Variants in CECR2 observed in about 807,000 individuals in gnomAD.
CECR2 encodes CECR2 histone acetyl-lysine reader.
CECR2 carries 30 observed loss-of-function variants against 154.5 expected under a neutral mutation model. That is an observed-to-expected ratio of 0.19 (90% confidence interval 0.15 to 0.26). CECR2 has a LOEUF of 0.26. CECR2 is among the 10% of genes least tolerant of loss of function. The pLI, the probability that CECR2 is intolerant of heterozygous loss-of-function variation, is 1.00. For synonymous variants in CECR2, 725 were observed against 683.7 expected (o/e 1.06, Z -0.94); for missense variants, 1,743 against 1,829.3 (o/e 0.95, Z 0.86).
intron 9 of CECR2, among the ~76,000 whole-genome samples, chr22:17,530,456 G>A (rs1006259803): frequency 2.6e-5 from 4 of 151,840 alleles, no homozygotes; most frequent in South Asian, 2.1e-4. Flanking sequence ...GGCAGATCAC[G>A]AGGTCAGGAG....
upstream of CECR2, among the ~76,000 whole-genome samples, chr22:17,368,569 C>G (rs1041483437): frequency 6.6e-6 from 1 of 152,202 alleles, no homozygotes; most frequent in East Asian, 1.9e-4. Context: ...CACACTCCAA[C>G]ACCCTTCGGC....
rs923181398 is a variant in CECR2 at position 17,548,178 on chromosome 22, C to T, written c.2891C>T (p.Pro964Leu). The T allele has an allele frequency of 3.8e-6, 6 of 1,570,054 alleles. No individual in the cohort carries two copies. Among genetic ancestry groups the T allele is most frequent in the Non-Finnish European group, 5.2e-6 (6 of 1,157,956 alleles). The change falls in exon 17 of 19, where the codon CCA becomes CTA. Residue 964 changes from proline to leucine, a missense_variant. By Grantham distance (98) the Pro-to-Leu change is moderately conservative (BLOSUM62 -3). This residue lies in a region of CECR2 where 1,250 missense variants were observed against 1,192.1 expected (regional missense o/e 1.05). Transcript: ENST00000262608. Reference protein sequence around the residue: ...AEPLPGLEEKPPGVGTSEGVY... With the variant: ...AEPLPGLEEKLPGVGTSEGVY... Reference sequence around the variant, plus strand: ...CCGTTGCCTGGCCTTGAAGAGAAACCACCAGGTGTTGGTACTTCAGAGGGG... The same window carrying T: ...CCGTTGCCTGGCCTTGAAGAGAAACTACCAGGTGTTGGTACTTCAGAGGGG...
intron 1 of CECR2, among the ~76,000 whole-genome samples, chr22:17,361,339 T>C (rs2062976130): frequency 6.6e-6 from 1 of 151,936 alleles, no homozygotes; most frequent in Admixed American, 6.6e-5. Context: ...ATACAAAAAT[T>C]AGCCGGGCTG....
chr22:17,495,316 C>G (rs905859349), intron 2 of CECR2, among the ~76,000 whole-genome samples: 1 of 152,148 alleles, frequency 6.6e-6, no homozygotes, highest in Non-Finnish European at 1.5e-5. Flanking sequence ...CATCTGTAAT[C>G]CCAGCACTCT....
intron 1 of CECR2, among the ~76,000 whole-genome samples, chr22:17,413,289 C>CA (rs1351185354): frequency 6.6e-6 from 1 of 152,206 alleles, no homozygotes; most frequent in Non-Finnish European, 1.5e-5. Flanking sequence ...CTGACAGCAG[C>CA]AGAGGGCATG....
At chr22:17,433,491 G>C (rs1267199292) in intron 1 of CECR2, among the ~76,000 whole-genome samples, 1 of 152,132 alleles carries the variant, frequency 6.6e-6, no homozygotes, top group Non-Finnish European at 1.5e-5. Context: ...TGTTGCCCAG[G>C]CTGGAGTACA....
chr22:17,532,688 T>C (rs2146993746), intron 9 of CECR2, among the ~76,000 whole-genome samples: 1 of 144,996 alleles, frequency 6.9e-6, no homozygotes, highest in African/African-American at 2.6e-5. Context: ...AGTAGGTATA[T>C]TCATTATTAT....
intron 1 of CECR2, among the ~76,000 whole-genome samples, chr22:17,422,587 CATT>C (rs765161672): frequency 5.3e-5 from 8 of 152,070 alleles, no homozygotes; most frequent in Admixed American, 1.3e-4. Flanking sequence ...AATTTTCAGT[CATT>C]GTTGTTTTAA....
intron 6 of CECR2, among the ~76,000 whole-genome samples, chr22:17,504,046 C>CTAAATAAATACATAAA (rs2055788132): frequency 7.3e-6 from 1 of 136,520 alleles, no homozygotes; most frequent in Admixed American, 7.5e-5. Flanking sequence ...GACTCTGCCT[C>CTAAATAAATACATAAA]TAAATAAATA....
At position 17,549,558 on chromosome 22, in the gene CECR2, C is replaced by T. The variant is rs1466244307; in HGVS notation, c.4271C>T (p.Pro1424Leu). 6.3e-7 allele frequency: 1 copy of T among 1,583,612 alleles called. No homozygotes were observed. ...IRGPFQEMYR[P>L]SGMQMHPVQS... is the part of the protein sequence containing the mutation. ...GGACCTTTCCAGGAAATGTACAGAC[C>T]ATCAGGGTAAGATTGCATTCAGGCT... The change falls in exon 17 of 19, where the codon CCA becomes CTA. Residue 1424 changes from proline (P) to leucine (L), a missense_variant. By Grantham distance (98) the Pro-to-Leu change is moderately conservative. Transcript: ENST00000262608.
intron 1 of CECR2, among the ~76,000 whole-genome samples, chr22:17,458,276 G>A (rs927929776): frequency 7.2e-5 from 11 of 152,176 alleles, no homozygotes; most frequent in African/African-American, 2.4e-4. Context: ...TTAGCCAGGT[G>A]TGGTGGCGGG....
At chr22:17,492,963 C>A (rs551774414) in intron 2 of CECR2, among the ~76,000 whole-genome samples, 61 of 151,942 alleles carry the variant, frequency 4.0e-4, no homozygotes, top group Non-Finnish European at 6.5e-4. Context: ...TTTTATTTTA[C>A]TTTATATTTT....
chr22:17,455,620 T>C (rs2054841292), intron 1 of CECR2, among the ~76,000 whole-genome samples: 1 of 152,206 alleles, frequency 6.6e-6, no homozygotes, highest in Admixed American at 6.5e-5. Flanking sequence ...GTTTTTTGTT[T>C]TGTTTTGTTT....
chr22:17,389,110 G>A (rs922803039), intron 1 of CECR2, among the ~76,000 whole-genome samples: 2 of 152,004 alleles, frequency 1.3e-5, no homozygotes, highest in African/African-American at 2.4e-5. Flanking sequence ...CACTGCGCCC[G>A]GCCTTAAAAA....
intron 1 of CECR2, among the ~76,000 whole-genome samples, chr22:17,451,246 T>C (rs758290237): frequency 1.3e-5 from 2 of 152,196 alleles, no homozygotes; most frequent in African/African-American, 2.4e-5. Flanking sequence ...TGGCAGCCAT[T>C]ACAGGTAGAT....
intron 1 of CECR2, among the ~76,000 whole-genome samples, chr22:17,450,030 T>C (rs2054743530): frequency 6.6e-6 from 1 of 152,206 alleles, no homozygotes; most frequent in East Asian, 1.9e-4. Context: ...ACTGATGGTA[T>C]CCCCAAACGC....
chr22:17,485,705 C>T (rs961330695), intron 2 of CECR2, among the ~76,000 whole-genome samples: 3 of 152,080 alleles, frequency 2.0e-5, no homozygotes, highest in South Asian at 2.1e-4. Context: ...GCCCAGGAGG[C>T]GGAGGTTGCA....
chr22:17,516,469 C>T (rs549716815), intron 8 of CECR2, among the ~76,000 whole-genome samples: 3 of 152,272 alleles, frequency 2.0e-5, no homozygotes, highest in African/African-American at 4.8e-5. Context: ...TGTGTCCCCA[C>T]CCAGAGCTCA....
At chr22:17,500,493 G>A (rs1322501245) in intron 4 of CECR2, 138 bp from the exon 5 acceptor site, 1 of 612,286 alleles carries the variant, frequency 1.6e-6, no homozygotes, top group East Asian at 2.8e-5. Context: ...ATGAAGACTG[G>A]AAGTTGCTGT....
Sources: allele counts gnomAD v4.1 joint callset (sites outside exome capture counted in the v4.1 genomes callset), GRCh38; gene constraint gnomAD v4.1.1; regional missense constraint gnomAD v4.1.1; transcripts MANE v1.5; gene names NCBI Gene and HGNC (gene_info 2026-07-23, HGNC 2026-07-21).